CAV1: variants seen among roughly 807,000 people sequenced by gnomAD.
CAV1 encodes the protein caveolin-1.
A neutral mutation model predicts 16.5 loss-of-function variants in CAV1; 10 were observed. The observed-to-expected ratio is 0.61, with a 90% CI of 0.37 to 1.03. The LOEUF is 1.03. CAV1 is among the 50% of genes least tolerant of loss of function. The pLI is 0.01. For synonymous variants in CAV1, 76 were observed against 85.1 expected (o/e 0.89, Z 0.59); for missense variants, 212 against 232.8 (o/e 0.91, Z 0.58).
intron 2 of CAV1, among the ~76,000 whole-genome samples, chr7:116,536,583 A>G (rs1793821649): frequency 6.6e-6 from 1 of 152,224 alleles, no homozygotes. Context: ...GGGCACCAGC[A>G]GTGGATCAAT....
intron 1 of CAV1, chr7:116,526,003 C>A: frequency 4.2e-6 from 1 of 237,068 alleles, no homozygotes; most frequent in South Asian, 1.5e-4. Context: ...GAACATTCCA[C>A]GGGTCGGGCG....
intron 2 of CAV1, among the ~76,000 whole-genome samples, chr7:116,556,709 C>G (rs3807990): frequency 2.0e-5 from 3 of 151,952 alleles, no homozygotes; most frequent in Non-Finnish European, 4.4e-5. Context: ...CCTCTGCTCC[C>G]GGTAAATTGC....
At chr7:116,530,151 A>G (rs1014291656) in intron 2 of CAV1, among the ~76,000 whole-genome samples, 12 of 151,660 alleles carry the variant, frequency 7.9e-5, no homozygotes, top group African/African-American at 2.7e-4. Context: ...TAAAAAATAC[A>G]TACATACAAC....
At chr7:116,526,496 C>A (rs1023178398) in intron 1 of CAV1, 29 bp from the exon 2 acceptor site, 12 of 1,613,406 alleles carry the variant, frequency 7.4e-6, no homozygotes, top group Non-Finnish European at 1.0e-5. Flanking sequence ...CCCTCCCCGT[C>A]CTGGCCGTCC....
chr7:116,561,141 G>T lies in CAV1; in HGVS notation c.*1854G>T, dbSNP rs1794402232. 2 of 152,584 alleles carry T rather than the reference G, an allele frequency of 1.3e-5. No homozygotes were observed. Among genetic ancestry groups the T allele is most frequent in the Non-Finnish European group, 2.9e-5 (2 of 68,008 alleles). 9.5% of individuals were successfully genotyped at this position (152,584 alleles called of 1,614,324 possible). A position where few individuals can be genotyped will look rare whatever the true frequency, so the allele number is the denominator to read the frequency against. On this transcript the variant is annotated 3_prime_UTR_variant, in exon 3 of 3. Coordinates refer to ENST00000341049, the MANE Select transcript of CAV1 (RefSeq NM_001753.5). The stretch of plus-strand genomic sequence containing the variant: ...TTTTTTATCATGCATGTCCTGTAAA[G>T]GTTACAAGCCTGCACAATAAAAATG...
intron 2 of CAV1, chr7:116,527,000 C>T (rs1180265268): frequency 4.9e-6 from 2 of 410,734 alleles, no homozygotes; most frequent in East Asian, 5.4e-5. Context: ...CAGCAACAGA[C>T]GGCCCATACT....
intron 2 of CAV1, among the ~76,000 whole-genome samples, chr7:116,535,214 T>C (rs1294721057): frequency 1.3e-5 from 2 of 152,256 alleles, no homozygotes; most frequent in East Asian, 3.8e-4. Flanking sequence ...GGCCTGTCTC[T>C]GATTCTTATA....
chr7:116,555,604 G>GAGAGAGAGAGAGAGAGAGAGAA (rs1554357959), intron 2 of CAV1, among the ~76,000 whole-genome samples: 1 of 73,368 alleles, frequency 1.4e-5, no homozygotes, highest in African/African-American at 6.2e-5. Context: ...AAGAAAGAAA[G>GAGAGAGAGAGAGAGAGAGAGAA]AGAAAGAAAG....
chr7:116,530,118 T>C (rs1793653923), intron 2 of CAV1, among the ~76,000 whole-genome samples: 1 of 151,576 alleles, frequency 6.6e-6, no homozygotes, highest in South Asian at 2.1e-4. Flanking sequence ...TGAGACGACA[T>C]GCACACAGGT....
At chr7:116,538,135 C>T (rs1213193703) in intron 2 of CAV1, among the ~76,000 whole-genome samples, 1 of 152,134 alleles carries the variant, frequency 6.6e-6, no homozygotes, top group Non-Finnish European at 1.5e-5. Context: ...TTTGCCTGCT[C>T]AATTTCTACA....
At chr7:116,544,081 A>G (rs982672962) in intron 2 of CAV1, among the ~76,000 whole-genome samples, 3 of 152,224 alleles carry the variant, frequency 2.0e-5, no homozygotes, top group African/African-American at 7.2e-5. Flanking sequence ...AACATTCTTA[A>G]GGAAATCATC....
At chr7:116,544,788 A>T (rs1456521322) in intron 2 of CAV1, among the ~76,000 whole-genome samples, 2 of 152,156 alleles carry the variant, frequency 1.3e-5, no homozygotes, top group Non-Finnish European at 2.9e-5. Flanking sequence ...TTCCTCTCTT[A>T]CCTTAAAAGT....
intron 2 of CAV1, among the ~76,000 whole-genome samples, chr7:116,535,335 C>T (rs754796359): frequency 2.0e-5 from 3 of 152,130 alleles, no homozygotes; most frequent in Admixed American, 6.5e-5. Context: ...TAATGTCACT[C>T]GTCTGCTGTC....
chr7:116,534,395 A>ATATATATTTTTT (rs1442237865), intron 2 of CAV1, among the ~76,000 whole-genome samples: 5 of 7,810 alleles, frequency 6.4e-4, no homozygotes, highest in Non-Finnish European at 1.3e-3. Context: ...ATATATATAT[A>ATATATATTTTTT]TTTTTTTTTT....
intron 2 of CAV1, among the ~76,000 whole-genome samples, chr7:116,541,919 T>C (rs1793949196): frequency 6.6e-6 from 1 of 152,224 alleles, no homozygotes; most frequent in Non-Finnish European, 1.5e-5. Flanking sequence ...TCTACAGTTA[T>C]AGTTTAACTG....
Position 116,531,084 on chromosome 7 carries a change from C to A in CAV1, c.195+4395C>A, listed in dbSNP as rs112131816. Reference sequence around the variant, plus strand: ...ATCATCATGGTTACCAGGCTGGCCTCCAATTCCTCTTTTGTAATATTAATA... The same window carrying A: ...ATCATCATGGTTACCAGGCTGGCCTACAATTCCTCTTTTGTAATATTAATA... On this transcript the variant is annotated intron_variant, in intron 2 of 2. Coordinates refer to ENST00000341049, the MANE Select transcript of CAV1 (RefSeq NM_001753.5). Among the ~76,000 whole-genome samples, 1,353 of 152,268 alleles carry A rather than the reference C, an allele frequency of 8.9e-3. 21 individuals are homozygous for A. Among genetic ancestry groups the A allele is most frequent in the African/African-American group, 0.031 (1,283 of 41,540 alleles).
At chr7:116,555,688 AAGAC>A (rs936246174) in intron 2 of CAV1, among the ~76,000 whole-genome samples, 48 of 150,530 alleles carry the variant, frequency 3.2e-4, no homozygotes, top group African/African-American at 9.8e-4. Context: ...GAGAGAGAGA[AAGAC>A]CTAGTCACCA....
chr7:116,534,395 A>ATATATATATATATATATATTTTTTTTT (rs1442237865), intron 2 of CAV1, among the ~76,000 whole-genome samples: 1 of 7,844 alleles, frequency 1.3e-4, no homozygotes, highest in Non-Finnish European at 2.6e-4. Flanking sequence ...ATATATATAT[A>ATATATATATATATATATATTTTTTTTT]TTTTTTTTTT....
At chr7:116,536,304 C>T (rs1160166979) in intron 2 of CAV1, among the ~76,000 whole-genome samples, 1 of 151,524 alleles carries the variant, frequency 6.6e-6, no homozygotes, top group Non-Finnish European at 1.5e-5. Context: ...GTGCATGGTG[C>T]TTCCATGTGT....
Sources: allele counts gnomAD v4.1 joint callset (sites outside exome capture counted in the v4.1 genomes callset), GRCh38; gene constraint gnomAD v4.1.1; transcripts MANE v1.5; gene names NCBI Gene and HGNC (gene_info 2026-07-23, HGNC 2026-07-21).